Variants in ARL8B observed in about 807,000 individuals in gnomAD.
ARL8B encodes the protein ADP-ribosylation factor-like protein 8B.
In ARL8B, 9 loss-of-function variants were observed where a neutral mutation model predicts 30.6. The observed-to-expected ratio is 0.29, with a 90% CI of 0.18 to 0.51. The LOEUF (loss-of-function observed/expected upper bound fraction) is 0.51. ARL8B is among the 20% of genes least tolerant of loss of function. The probability of loss-of-function intolerance (pLI) is 0.97; values close to 1 mark genes in which losing one functional copy is unlikely to be tolerated. For missense variants in ARL8B, 130 were observed against 227.2 expected (o/e 0.57, Z 2.75); for synonymous variants, 74 against 76.0 (o/e 0.97, Z 0.14).
At chr3:5,174,578 T>C (rs1013923271) in intron 6 of ARL8B, among the ~76,000 whole-genome samples, 164 bp downstream of exon 6, 5 of 150,924 alleles carry the variant, frequency 3.3e-5, no homozygotes, top group Non-Finnish European at 7.4e-5. Context: ...ACAACAAATA[T>C]AGTGAACCTT....
chr3:5,142,239 C>T (rs970229951), intron 1 of ARL8B, among the ~76,000 whole-genome samples: 1 of 152,124 alleles, frequency 6.6e-6, no homozygotes, highest in African/African-American at 2.4e-5. Context: ...GCCTGACTTA[C>T]CAGTGATGTT....
intron 1 of ARL8B, among the ~76,000 whole-genome samples, chr3:5,163,673 C>A (rs528351172): frequency 2.0e-5 from 3 of 152,240 alleles, no homozygotes; most frequent in Non-Finnish European, 2.9e-5. Flanking sequence ...AGTTCAAGAC[C>A]AGCCTGGCCA....
chr3:5,143,850 A>T (rs2054397007), intron 1 of ARL8B, among the ~76,000 whole-genome samples: 1 of 152,250 alleles, frequency 6.6e-6, no homozygotes, highest in African/African-American at 2.4e-5. Context: ...CAAAGTAGGA[A>T]GATCTGTAGC....
intron 1 of ARL8B, chr3:5,156,769 A>G (rs1421042308): frequency 6.6e-6 from 1 of 152,206 alleles, no homozygotes; most frequent in African/African-American, 2.4e-5. Context: ...TTGTGTTTTT[A>G]GTAGAGATGG....
chr3:5,173,247 T>TC (rs908605698), intron 4 of ARL8B, among the ~76,000 whole-genome samples: 27 of 152,050 alleles, frequency 1.8e-4, no homozygotes, highest in African/African-American at 6.0e-4. Context: ...GGAAGAGAGT[T>TC]CCAGGCAAAG....
intron 1 of ARL8B, 69 bp downstream of exon 1, chr3:5,122,657 C>G: frequency 6.6e-7 from 1 of 1,525,730 alleles, no homozygotes; most frequent in Non-Finnish European, 8.8e-7. Flanking sequence ...TTCTCCAAGG[C>G]CTGAGTTGGG....
At chr3:5,176,220 A>C (rs946339267) in intron 6 of ARL8B, among the ~76,000 whole-genome samples, 2 of 152,084 alleles carry the variant, frequency 1.3e-5, no homozygotes, top group Non-Finnish European at 2.9e-5. Context: ...CCCGCCTGCA[A>C]ACATGGCTTT....
At chr3:5,126,796 T>C (rs2106551373) in intron 1 of ARL8B, among the ~76,000 whole-genome samples, 1 of 152,344 alleles carries the variant, frequency 6.6e-6, no homozygotes, top group South Asian at 2.1e-4. Context: ...ATTTTTTCCA[T>C]TGCTAACTGT....
At chr3:5,143,888 T>C (rs1445328105) in intron 1 of ARL8B, among the ~76,000 whole-genome samples, 1 of 152,214 alleles carries the variant, frequency 6.6e-6, no homozygotes, top group Non-Finnish European at 1.5e-5. Context: ...GCCCATATAA[T>C]AACTCGTAGG....
chr3:5,149,671 T>G (rs1185290838), intron 1 of ARL8B, among the ~76,000 whole-genome samples: 1 of 152,234 alleles, frequency 6.6e-6, no homozygotes, highest in Non-Finnish European at 1.5e-5. Flanking sequence ...CTTTCTTTCC[T>G]TTTATGGGCT....
rs1287532456 is a variant in ARL8B at position 5,170,511 on chromosome 3, A to G, written c.132A>G (p.Gln44=). Residue 44 remains glutamine (Q), a synonymous_variant, in exon 2 of 7, where the codon CAA becomes CAG. Coordinates refer to ENST00000256496, the MANE Select transcript of ARL8B (RefSeq NM_018184.3). ...TTFVNVIASG[Q]FSEDMIPTVG... is the part of the protein sequence containing the mutation. ...TGTTTTATTTTGTTCAGTCAGGTCA[A>G]TTCAGTGAAGATATGATACCCACAG... is the stretch of plus-strand genomic sequence containing the variant. 9 of 1,611,936 alleles carry G rather than the reference A, an allele frequency of 5.6e-6. No homozygotes were observed. Among genetic ancestry groups the G allele is most frequent in the African/African-American group, 1.3e-5 (1 of 74,976 alleles).
rs373896889 is a variant in ARL8B at position 5,172,066 on chromosome 3, G to A, written c.205-84G>A. On this transcript the variant is annotated intron_variant, in intron 2 of 6. Transcript: ENST00000256496. The stretch of plus-strand genomic sequence containing the variant: ...ATTGTAGAAATAAATATATCTTCCC[G>A]ATCTTTCTTTTTTTCTGTTACTTCC... 1.4e-4 allele frequency: 182 copies of A among 1,300,610 alleles called. 4 individuals carry two copies. In the East Asian group the frequency reaches 2.1e-3, roughly 15 times the overall value. The allele number at this position is 1,300,610 out of a possible 1,614,324, so 80.6% of individuals were successfully genotyped here. A position where few individuals can be genotyped will look rare whatever the true frequency, so the allele number is the denominator to read the frequency against.
At chr3:5,155,595 T>G (rs1234632045) in intron 1 of ARL8B, among the ~76,000 whole-genome samples, 2 of 152,252 alleles carry the variant, frequency 1.3e-5, no homozygotes, top group South Asian at 2.1e-4. Context: ...TCTTCATTTT[T>G]TTTTTCTTTC....
In ARL8B at chr3:5,175,314, T is replaced by C. The variant is rs11916617; in HGVS notation, c.511+900T>C. On this transcript the variant is annotated intron_variant, in intron 6 of 6. Coordinates refer to ENST00000256496, the MANE Select transcript of ARL8B (RefSeq NM_018184.3). Reference sequence around the variant, plus strand: ...AATGTATAACATCCTGAATCTTCTTTGTGCTATTTAAAGAAGAAAATGCAA... The same window carrying C: ...AATGTATAACATCCTGAATCTTCTTCGTGCTATTTAAAGAAGAAAATGCAA... Among the ~76,000 whole-genome samples, 1,426 of 152,318 alleles carry C rather than the reference T, an allele frequency of 9.4e-3. 21 individuals carry two copies. The highest frequency in any genetic ancestry group is 0.032 in the African/African-American group (1,340 of 41,570).
At chr3:5,166,188 C>T (rs952481089) in intron 1 of ARL8B, among the ~76,000 whole-genome samples, 26 of 151,658 alleles carry the variant, frequency 1.7e-4, no homozygotes, top group African/African-American at 5.6e-4. Flanking sequence ...TACAGGCACG[C>T]GCCACCACCC....
intron 1 of ARL8B, among the ~76,000 whole-genome samples, chr3:5,140,262 G>T (rs1420141215): frequency 1.3e-5 from 2 of 152,106 alleles, no homozygotes; most frequent in Non-Finnish European, 2.9e-5. Context: ...GACCCGGTGG[G>T]AGATAACTGA....
chr3:5,159,436 C>G (rs1238187970), intron 1 of ARL8B, among the ~76,000 whole-genome samples: 1 of 151,294 alleles, frequency 6.6e-6, no homozygotes, highest in South Asian at 2.1e-4. Flanking sequence ...AACCCTGTCT[C>G]TACTGAAAAT....
chr3:5,155,840 A>C (rs1324390076), intron 1 of ARL8B, among the ~76,000 whole-genome samples: 1 of 120,058 alleles, frequency 8.3e-6, no homozygotes, highest in South Asian at 2.4e-4. Flanking sequence ...CATTTTTCTC[A>C]GTGTTTTTTT....
At chr3:5,162,049 C>T (rs1346596493) in intron 1 of ARL8B, among the ~76,000 whole-genome samples, 1 of 152,180 alleles carries the variant, frequency 6.6e-6, no homozygotes, top group African/African-American at 2.4e-5. Flanking sequence ...AATCAGTTTG[C>T]TATAGATTCG....
Sources: allele counts gnomAD v4.1 joint callset (sites outside exome capture counted in the v4.1 genomes callset), GRCh38; gene constraint gnomAD v4.1.1; transcripts MANE v1.5; gene names NCBI Gene and HGNC (gene_info 2026-07-23, HGNC 2026-07-21).